Variants in MRPS9 observed in about 807,000 individuals in gnomAD.
MRPS9 encodes mitochondrial ribosomal protein S9.
In MRPS9, 45 loss-of-function variants were observed where a neutral mutation model predicts 59.9. The ratio of observed to expected loss-of-function variants is 0.75; its 90% confidence interval spans 0.59 to 0.96. MRPS9 has a LOEUF of 0.96. Among genes scored for constraint, MRPS9 ranks in the 40% least tolerant of loss-of-function variants. The pLI, the probability that MRPS9 is intolerant of heterozygous loss-of-function variation, is 0.00. For synonymous variants in MRPS9, 171 were observed against 166.8 expected (o/e 1.03, Z -0.19); for missense variants, 473 against 481.1 (o/e 0.98, Z 0.16).
intron 4 of MRPS9, among the ~76,000 whole-genome samples, chr2:105,073,388 G>A (rs953322052): frequency 2.0e-5 from 3 of 152,006 alleles, no homozygotes; most frequent in Non-Finnish European, 4.4e-5. Flanking sequence ...TTAAGTTGTA[G>A]TTTACTATAT....
At chr2:105,087,950 A>G (rs1233832263) in intron 5 of MRPS9, among the ~76,000 whole-genome samples, 2 of 152,148 alleles carry the variant, frequency 1.3e-5, no homozygotes, top group African/African-American at 4.8e-5. Flanking sequence ...TTTATCAGCA[A>G]CATTATGTGG....
intron 2 of MRPS9, among the ~76,000 whole-genome samples, chr2:105,063,416 T>C (rs927019696): frequency 3.9e-5 from 6 of 152,222 alleles, no homozygotes; most frequent in African/African-American, 1.4e-4. Context: ...TTGAGAAATA[T>C]CAAAACACTC....
At chr2:105,084,419 T>G (rs1256624264) in intron 5 of MRPS9, among the ~76,000 whole-genome samples, 1 of 152,092 alleles carries the variant, frequency 6.6e-6, no homozygotes, top group Non-Finnish European at 1.5e-5. Context: ...TTTAAAGGAC[T>G]TCAGTAACCT....
At chr2:105,061,757 G>C (rs1195958960) in intron 2 of MRPS9, among the ~76,000 whole-genome samples, 1 of 152,124 alleles carries the variant, frequency 6.6e-6, no homozygotes, top group Admixed American at 6.5e-5. Flanking sequence ...CATGTTGCAA[G>C]TAAGATACTG....
At chr2:105,089,203 C>A in intron 6 of MRPS9, 134 bp downstream of exon 6, 1 of 554,356 alleles carries the variant, frequency 1.8e-6, no homozygotes, top group Non-Finnish European at 3.2e-6. Context: ...GGTTAGGGTT[C>A]AAAATAATAG....
chr2:105,078,148 T>TTG (rs1680250987), intron 4 of MRPS9, among the ~76,000 whole-genome samples: 1 of 151,462 alleles, frequency 6.6e-6, no homozygotes, highest in African/African-American at 2.4e-5. Flanking sequence ...AGACTTTTTT[T>TTG]TTTTTTTTTT....
intron 4 of MRPS9, among the ~76,000 whole-genome samples, chr2:105,079,083 A>T (rs1157736115): frequency 6.6e-6 from 1 of 152,226 alleles, no homozygotes; most frequent in Admixed American, 6.5e-5. Context: ...GGATTCCTTC[A>T]TGGGATGAAT....
intron 7 of MRPS9, chr2:105,091,232 G>T (rs1680551616): frequency 2.1e-6 from 1 of 468,412 alleles, no homozygotes; most frequent in South Asian, 1.6e-5. Flanking sequence ...TTTATGGCTG[G>T]TATCAAGATG....
chr2:105,069,985 C>T (rs1197334623), intron 2 of MRPS9, among the ~76,000 whole-genome samples: 2 of 152,140 alleles, frequency 1.3e-5, no homozygotes, highest in East Asian at 3.9e-4. Flanking sequence ...GCACTCCAGC[C>T]TCAGCGACAG....
intron 10 of MRPS9, among the ~76,000 whole-genome samples, chr2:105,098,867 C>A (rs1475735173): frequency 6.6e-6 from 1 of 152,096 alleles, no homozygotes; most frequent in Non-Finnish European, 1.5e-5. Flanking sequence ...AAGAGCTTTC[C>A]CATCAGTGGT....
Position 105,068,951 on chromosome 2 carries a change from T to C in MRPS9, c.316-2362T>C, listed in dbSNP as rs142936382. Among the ~76,000 whole-genome samples the C allele has an allele frequency of 3.6e-3, 545 of 152,298 alleles. 1 individual carries two copies. The highest frequency in any genetic ancestry group is 6.6e-3 in the Non-Finnish European group (449 of 68,024). Reference sequence around the variant, plus strand: ...CATAGGGGTGTATCTTCTGGGTAAATTCATTGAGTCAGATTGCTAGGGAAA... The same window carrying C: ...CATAGGGGTGTATCTTCTGGGTAAACTCATTGAGTCAGATTGCTAGGGAAA... On this transcript the variant is annotated intron_variant, in intron 2 of 10. Transcript: ENST00000258455.
intron 1 of MRPS9, among the ~76,000 whole-genome samples, chr2:105,040,254 TAGC>T (rs1679479252): frequency 6.6e-6 from 1 of 152,208 alleles, no homozygotes; most frequent in Non-Finnish European, 1.5e-5. Flanking sequence ...TTTCTCTTGG[TAGC>T]CCATGTTTTA....
intron 1 of MRPS9, among the ~76,000 whole-genome samples, chr2:105,039,509 A>G (rs536674637): frequency 5.9e-5 from 9 of 152,168 alleles, no homozygotes; most frequent in African/African-American, 1.9e-4. Context: ...CTATTCTTCT[A>G]TGTTTTTTCC....
chr2:105,058,381 T>C (rs1679831789), intron 2 of MRPS9, among the ~76,000 whole-genome samples: 1 of 152,108 alleles, frequency 6.6e-6, no homozygotes, highest in African/African-American at 2.4e-5. Flanking sequence ...TTAATAGAGA[T>C]TGCATTCCTG....
chr2:105,066,525 C>T (rs750559232), intron 2 of MRPS9, among the ~76,000 whole-genome samples: 3 of 152,182 alleles, frequency 2.0e-5, no homozygotes, highest in Non-Finnish European at 2.9e-5. Flanking sequence ...ATGACAGATC[C>T]AACTGTAGGT....
In MRPS9 at chr2:105,081,444, A is replaced by T. The variant is rs1373516428; in HGVS notation, c.489+1382A>T. Among the ~76,000 whole-genome samples the T allele has an allele frequency of 9.8e-5, 15 of 152,320 alleles. No individual in the cohort carries two copies. In the East Asian group the frequency reaches 2.5e-3, roughly 25 times the overall value. On this transcript the variant is annotated intron_variant, in intron 5 of 10. Transcript: ENST00000258455. Reference sequence around the variant, plus strand: ...ATTCTCTTCCTGCCTTCTGCCTTTCATCCCAAGTTTCACGGAAAAAAGTAA... The same window carrying T: ...ATTCTCTTCCTGCCTTCTGCCTTTCTTCCCAAGTTTCACGGAAAAAAGTAA...
intron 1 of MRPS9, 177 bp downstream of exon 1, chr2:105,038,404 T>C: frequency 1.3e-6 from 1 of 755,610 alleles, no homozygotes; most frequent in Non-Finnish European, 2.1e-6. Context: ...CAGTAGCCGC[T>C]CTAGAGGTTG....
chr2:105,087,933 A>G (rs1313471365), intron 5 of MRPS9, among the ~76,000 whole-genome samples: 1 of 152,100 alleles, frequency 6.6e-6, no homozygotes, highest in East Asian at 1.9e-4. Flanking sequence ...CTACACTTAG[A>G]TAAAACTTTA....
intron 2 of MRPS9, among the ~76,000 whole-genome samples, chr2:105,062,227 T>G (rs1679920293): frequency 6.6e-6 from 1 of 152,176 alleles, no homozygotes; most frequent in East Asian, 1.9e-4. Context: ...CATACCCAAC[T>G]TTGAAGTCCA....
Sources: allele counts gnomAD v4.1 joint callset (sites outside exome capture counted in the v4.1 genomes callset), GRCh38; gene constraint gnomAD v4.1.1; transcripts MANE v1.5; gene names NCBI Gene and HGNC (gene_info 2026-07-23, HGNC 2026-07-21).